CATSPERT: variants seen among roughly 807,000 people sequenced by gnomAD.
CATSPERT encodes the protein cation channel sperm-associated targeting subunit tau.
At chr2:201,558,995 C>T in the CATSPERT span, among the ~76,000 whole-genome samples, 1 of 152,198 alleles carries the variant, frequency 6.6e-6, no homozygotes, top group Non-Finnish European at 1.5e-5. Context: ...GAAACTGCCA[C>T]TCTCACCCAG....
At chr2:201,488,782 G>T in the CATSPERT span, among the ~76,000 whole-genome samples, 1 of 152,044 alleles carries the variant, frequency 6.6e-6, no homozygotes. Context: ...GTCAGAAAAA[G>T]ATTTACAAAA....
chr2:201,493,081 C>T, the CATSPERT span: 1 of 1,534,356 alleles, frequency 6.5e-7, no homozygotes, highest in South Asian at 1.2e-5. Flanking sequence ...TTGTCCTCTT[C>T]TTTCAGAATG....
the CATSPERT span, among the ~76,000 whole-genome samples, chr2:201,602,748 T>G: frequency 1.3e-5 from 2 of 152,106 alleles, no homozygotes; most frequent in Non-Finnish European, 2.9e-5. Context: ...ACCAATAAAA[T>G]GTAATGGAAT....
the CATSPERT span, among the ~76,000 whole-genome samples, chr2:201,566,875 G>A: frequency 6.6e-6 from 1 of 152,102 alleles, no homozygotes; most frequent in Non-Finnish European, 1.5e-5. Flanking sequence ...ATGTTCATAT[G>A]GCTATGTATA....
the CATSPERT span, among the ~76,000 whole-genome samples, chr2:201,501,395 C>CAAAAAAAAAAAAAAA: frequency 2.1e-5 from 1 of 46,600 alleles, no homozygotes; most frequent in Non-Finnish European, 3.9e-5. Context: ...AACTCCATCT[C>CAAAAAAAAAAAAAAA]AAAAAAAAAA....
chr2:201,521,025 A>G, the CATSPERT span, among the ~76,000 whole-genome samples: 1 of 152,186 alleles, frequency 6.6e-6, no homozygotes, highest in African/African-American at 2.4e-5. Flanking sequence ...TCCTGGAAAC[A>G]TACAACCTAC....
At chr2:201,503,318 C>T in the CATSPERT span, among the ~76,000 whole-genome samples, 1 of 152,088 alleles carries the variant, frequency 6.6e-6, no homozygotes, top group Non-Finnish European at 1.5e-5. Context: ...GATTCAAACC[C>T]CAGGGCTCAA....
chr2:201,562,932 G>A, the CATSPERT span, among the ~76,000 whole-genome samples: 2 of 149,660 alleles, frequency 1.3e-5, no homozygotes, highest in African/African-American at 4.9e-5. Flanking sequence ...CACAGACACC[G>A]CAACCATCCG....
At chr2:201,509,986 A>G in the CATSPERT span, among the ~76,000 whole-genome samples, 1 of 150,890 alleles carries the variant, frequency 6.6e-6, no homozygotes. Flanking sequence ...TAGAAATAAT[A>G]TACTTTATTT....
the CATSPERT span, chr2:201,493,124 T>G: frequency 6.5e-7 from 1 of 1,527,672 alleles, no homozygotes; most frequent in Non-Finnish European, 8.8e-7. Context: ...AAGATGTTTT[T>G]TAAAAAGGAT....
At chr2:201,581,593 T>TATAC in the CATSPERT span, among the ~76,000 whole-genome samples, 47 of 30,772 alleles carry the variant, frequency 1.5e-3, 3 homozygotes, top group African/African-American at 3.2e-3. Context: ...TATATATATA[T>TATAC]ACACATACAT....
At chr2:201,503,561 A>G in the CATSPERT span, among the ~76,000 whole-genome samples, 3 of 152,042 alleles carry the variant, frequency 2.0e-5, no homozygotes, top group African/African-American at 7.2e-5. Context: ...CACCTGGCTA[A>G]TTTTAAAAAT....
chr2:201,551,532 T>A, the CATSPERT span, among the ~76,000 whole-genome samples: 1 of 152,206 alleles, frequency 6.6e-6, no homozygotes, highest in African/African-American at 2.4e-5. Flanking sequence ...CTGCATAAAT[T>A]AACTGTAGTT....
chr2:201,528,741 T>C, the CATSPERT span, among the ~76,000 whole-genome samples: 1 of 151,904 alleles, frequency 6.6e-6, no homozygotes, highest in Non-Finnish European at 1.5e-5. Context: ...AGGGAACAGA[T>C]ACCAGGGCCT....
chr2:201,493,131 G>T, the CATSPERT span: 1 of 1,526,222 alleles, frequency 6.6e-7, no homozygotes, highest in East Asian at 2.5e-5. Flanking sequence ...TTTTTAAAAA[G>T]GATTTTAACA....
the CATSPERT span, among the ~76,000 whole-genome samples, chr2:201,564,608 T>C: frequency 6.6e-6 from 1 of 151,958 alleles, no homozygotes; most frequent in Non-Finnish European, 1.5e-5. Flanking sequence ...CTTTGGGAGG[T>C]AACTGGGTCA....
chr2:201,552,758 C>T, the CATSPERT span: 4 of 152,172 alleles, frequency 2.6e-5, no homozygotes, highest in Non-Finnish European at 2.9e-5. Flanking sequence ...GCCTCAATTA[C>T]ATTTATCATC....
chr2:201,551,557 G>C, the CATSPERT span, among the ~76,000 whole-genome samples: 1 of 152,294 alleles, frequency 6.6e-6, no homozygotes, highest in East Asian at 1.9e-4. Context: ...CTGTACTACT[G>C]TAATAATTTT....
chr2:201,605,077 C>T, the CATSPERT span, among the ~76,000 whole-genome samples: 1 of 150,386 alleles, frequency 6.6e-6, no homozygotes, highest in Non-Finnish European at 1.5e-5. Flanking sequence ...CACACACACA[C>T]ATACACAAAC....
Sources: gnomAD v4.1 joint callset for allele counts (sites outside exome capture counted in the v4.1 genomes callset) on GRCh38, gnomAD v4.1.1 for gene constraint, MANE v1.5 for transcripts, NCBI Gene and HGNC (gene_info 2026-07-23, HGNC 2026-07-21) for gene names.